SF3A2: variants seen among roughly 807,000 people sequenced by gnomAD.
The protein encoded by SF3A2 is SAP 62.
A neutral mutation model predicts 31.1 loss-of-function variants in SF3A2; 5 were observed. The ratio of observed to expected loss-of-function variants is 0.16; its 90% CI spans 0.08 to 0.34. The LOEUF (loss-of-function observed/expected upper bound fraction) is 0.34. SF3A2 is among the 10% of genes least tolerant of loss of function. The pLI is 1.00. For synonymous variants in SF3A2, 365 were observed against 263.7 expected, an observed-to-expected ratio of 1.38 and a Z score of -3.72; for missense variants, 577 against 643.9, an observed-to-expected ratio of 0.90 and a Z score of 1.13.
rs757861147 is a variant in SF3A2 at position 2,247,971 on chromosome 19, C to T, written c.820C>T (p.Pro274Ser). 12 of 1,068,996 alleles carry T rather than the reference C, an allele frequency of 1.1e-5. No homozygotes were observed. The highest frequency in any genetic ancestry group is 1.7e-5 in the Non-Finnish European group (12 of 718,906). 66.2% of individuals were successfully genotyped at this position (1,068,996 alleles called of 1,614,324 possible). A position where few individuals can be genotyped will look rare whatever the true frequency, so the allele number is the denominator to read the frequency against. Residue 274 changes from proline (P) to serine (S), a missense_variant, in exon 9 of 9, where the codon CCC becomes TCC. Pro to Ser is a moderately conservative substitution (Grantham distance 74). This residue lies in a region of SF3A2 where 462 missense variants were observed against 339.1 expected (regional missense o/e 1.36). Transcript: ENST00000221494. Reference protein sequence around the residue: ...MPPTGPAPSGPPGPPQLPPPA... With the variant: ...MPPTGPAPSGSPGPPQLPPPA... ...CCCCACAGGGCCTGCGCCCTCAGGGCCCCCGGGACCACCCCAGCTACCCCC... is the reference window on the plus strand; with the variant it reads ...CCCCACAGGGCCTGCGCCCTCAGGGTCCCCGGGACCACCCCAGCTACCCCC...
Position 2,247,789 on chromosome 19 carries a change from A to AGGG in SF3A2, c.639_640insGGG (p.Lys213_Met214insGly). ...TAGTTCTTCCTCCAGTTCCACTTTA[A>AGGG]GATGGAGAAGCCCCCGGCTCCACCC... On this transcript the variant is annotated inframe_insertion, in exon 9 of 9. Coordinates refer to ENST00000221494, the MANE Select transcript of SF3A2 (RefSeq NM_007165.5). 6.2e-7 allele frequency: 1 copy of AGGG among 1,611,372 alleles called. No homozygotes were observed.
chr19:2,243,327 AG>A, intron 1 of SF3A2, 54 bp from the exon 2 acceptor site: 1 of 1,398,870 alleles, frequency 7.1e-7, no homozygotes. Context: ...GGGAGGTCCC[AG>A]CAGCAGCCCC....
intron 1 of SF3A2, among the ~76,000 whole-genome samples, chr19:2,238,636 C>T (rs935659878): frequency 1.3e-5 from 2 of 152,222 alleles, no homozygotes; most frequent in Non-Finnish European, 2.9e-5. Context: ...ATTCTATCTT[C>T]CCTTAAAGCT....
At position 2,248,369 on chromosome 19, in the gene SF3A2, G is replaced by A; in HGVS notation, c.1218G>A (p.Gly406=). 3 of 1,379,886 alleles carry A rather than the reference G, an allele frequency of 2.2e-6. No homozygotes were observed. Among genetic ancestry groups the A allele is most frequent in the Non-Finnish European group, 2.8e-6 (3 of 1,071,550 alleles). 85.5% of individuals were successfully genotyped at this position (1,379,886 alleles called of 1,614,324 possible). A position where few individuals can be genotyped will look rare whatever the true frequency, so the allele number is the denominator to read the frequency against. Residue 406 remains glycine (G), a synonymous_variant, in exon 9 of 9, where the codon GGG becomes GGA. Transcript: ENST00000221494. ...PAPGMHPQAP[G]VHPQPPGVHP... is the part of the protein sequence containing the mutation. ...CAGGGATGCACCCTCAGGCCCCGGGGGTCCACCCCCAACCTCCCGGGGTCC... is the reference window on the plus strand; with the variant it reads ...CAGGGATGCACCCTCAGGCCCCGGGAGTCCACCCCCAACCTCCCGGGGTCC...
chr19:2,246,579 C>A lies in SF3A2; in HGVS notation c.356-174C>A, dbSNP rs566887277. On this transcript the variant is annotated intron_variant, in intron 5 of 8. Coordinates refer to ENST00000221494, the MANE Select transcript of SF3A2 (RefSeq NM_007165.5). The surrounding 1 kb of genome is among the most constrained non-coding windows in gnomAD (Gnocchi z 5.5). ...GTAGCTCAGCTCTGGCGCACCTGTG[C>A]CTTCACCTATACCAGAATCCCAGAG... 1.1e-4 allele frequency among the ~76,000 whole-genome samples: 16 copies of A among 152,280 alleles called. No individual in the cohort carries two copies. The highest frequency in any genetic ancestry group is 9.8e-4 in the Admixed American group (15 of 15,304).
chr19:2,238,210 G>A (rs1473260913), intron 1 of SF3A2, among the ~76,000 whole-genome samples: 3 of 152,176 alleles, frequency 2.0e-5, no homozygotes, highest in Non-Finnish European at 4.4e-5. Flanking sequence ...TTTTTGTAGA[G>A]ACGAGGTTTC....
In SF3A2 at chr19:2,248,363, C is replaced by T; in HGVS notation, c.1212C>T (p.Ala404=). The T allele has an allele frequency of 1.4e-6, 2 of 1,379,450 alleles. No homozygotes were observed. The highest frequency in any genetic ancestry group is 1.7e-5 in the South Asian group (1 of 57,480). 85.5% of individuals were successfully genotyped at this position (1,379,450 alleles called of 1,614,324 possible). Residue 404 remains alanine (A), a synonymous_variant, in exon 9 of 9, where the codon GCC becomes GCT. Transcript: ENST00000221494. ...HPPAPGMHPQ[A]PGVHPQPPGV... is the part of the protein sequence containing the mutation. ...CAGCCCCAGGGATGCACCCTCAGGC[C>T]CCGGGGGTCCACCCCCAACCTCCCG...
chr19:2,245,046 C>T lies in SF3A2; in HGVS notation c.245+267C>T. On this transcript the variant is annotated intron_variant, in intron 4 of 8. Transcript: ENST00000221494. The surrounding 1 kb of genome is among the most constrained non-coding windows in gnomAD (Gnocchi z 4.2). ...CTAAAAATACAAAAATTAGGCCAGG[C>T]ATGGTGGCACACGTCTGTAATCACA... 1.8e-6 allele frequency: 1 copy of T among 552,424 alleles called. No individual in the cohort carries two copies. Among genetic ancestry groups the T allele is most frequent in the Non-Finnish European group, 3.2e-6 (1 of 308,526 alleles). The allele number at this position is 552,424 out of a possible 1,614,324, so 34.2% of individuals were successfully genotyped here. A position where few individuals can be genotyped will look rare whatever the true frequency, so the allele number is the denominator to read the frequency against.
chr19:2,243,533 G>A lies in SF3A2; in HGVS notation c.115G>A (p.Asp39Asn). Residue 39 changes from aspartate (D) to asparagine (N), a missense_variant, in exon 2 of 9, where the codon GAC becomes AAC. Physicochemically the swap from Asp to Asn is conservative, Grantham distance 23. Transcript: ENST00000221494. ...CCGGCAGCTGGCCCTGGAGACCATC[G>A]ACATCAACAAGGTGGGCCAGCCACC... ...RLRQLALETIDINKDPYFMKN... is the reference protein window; with the variant it reads ...RLRQLALETININKDPYFMKN... 1.3e-6 allele frequency: 2 copies of A among 1,550,816 alleles called. No individual in the cohort carries two copies. Among genetic ancestry groups the A allele is most frequent in the Non-Finnish European group, 1.7e-6 (2 of 1,156,066 alleles).
chr19:2,237,644 G>A (rs1355670865), intron 1 of SF3A2: 2 of 152,202 alleles, frequency 1.3e-5, no homozygotes, highest in African/African-American at 4.8e-5. Flanking sequence ...GGCTGAAATG[G>A]TTTCGGCCGC....
rs1273574201 is a variant in SF3A2, at chr19:2,245,073, C to T, written c.245+294C>T. On this transcript the variant is annotated intron_variant, in intron 4 of 8. Transcript: ENST00000221494. The surrounding 1 kb of genome is among the most constrained non-coding windows in gnomAD (Gnocchi z 4.2). ...TGGTGGCACACGTCTGTAATCACAG[C>T]TACTATGGAGGCTGAGGCAGGAGAA... 5.7e-6 allele frequency: 3 copies of T among 528,598 alleles called. No homozygotes were observed. In the African/African-American group the frequency reaches 5.7e-5, roughly 10 times the overall value. 32.7% of individuals were successfully genotyped at this position (528,598 alleles called of 1,614,324 possible). A position where few individuals can be genotyped will look rare whatever the true frequency, so the allele number is the denominator to read the frequency against.
chr19:2,244,680 G>T, intron 3 of SF3A2, 53 bp from the exon 4 acceptor site: 1 of 1,611,854 alleles, frequency 6.2e-7, no homozygotes, highest in Non-Finnish European at 8.5e-7. Context: ...AGGGGGACCT[G>T]CCTGTGTCTG....
chr19:2,244,083 C>T (rs1054673586), intron 2 of SF3A2, among the ~76,000 whole-genome samples: 2 of 152,242 alleles, frequency 1.3e-5, no homozygotes, highest in African/African-American at 2.4e-5. Flanking sequence ...GAGATGTGTG[C>T]GCCCGGCTGC....
intron 1 of SF3A2, 42 bp downstream of exon 1, chr19:2,236,943 C>T (rs2024827205): frequency 6.6e-6 from 1 of 152,118 alleles, no homozygotes; most frequent in African/African-American, 2.4e-5. Flanking sequence ...CGACGCGGAC[C>T]GGGGGTTCCC....
At chr19:2,237,620 C>T (rs1355880938) in intron 1 of SF3A2, 1 of 152,100 alleles carries the variant, frequency 6.6e-6, no homozygotes, top group Non-Finnish European at 1.5e-5. Context: ...TCGTTGGGGT[C>T]GAATCGGGAT....
chr19:2,247,940 C>A lies in SF3A2; in HGVS notation c.789C>A (p.Pro263=). The A allele has an allele frequency of 2.7e-6, 4 of 1,495,880 alleles. No individual in the cohort carries two copies. The highest frequency in any genetic ancestry group is 3.7e-6 in the Non-Finnish European group (4 of 1,094,142). 92.7% of individuals were successfully genotyped at this position (1,495,880 alleles called of 1,614,324 possible). Residue 263 remains proline (P), a synonymous_variant, in exon 9 of 9, where the codon CCC becomes CCA. Coordinates refer to ENST00000221494, the MANE Select transcript of SF3A2 (RefSeq NM_007165.5). ...CGCCAGGAGGCCTGCCTCTGCCACCCATGCCCCCCACAGGGCCTGCGCCCT... is the reference window on the plus strand; with the variant it reads ...CGCCAGGAGGCCTGCCTCTGCCACCAATGCCCCCCACAGGGCCTGCGCCCT... The part of the protein sequence containing the change: ...PPPPGGLPLP[P]MPPTGPAPSG...
At chr19:2,240,773 T>C (rs2024882335) in intron 1 of SF3A2, among the ~76,000 whole-genome samples, 1 of 152,232 alleles carries the variant, frequency 6.6e-6, no homozygotes, top group Non-Finnish European at 1.5e-5. Context: ...TAGAACGTTC[T>C]GGAAATGTCA....
Position 2,245,381 on chromosome 19 carries a change from C to T in SF3A2, c.246-65C>T. 7.9e-7 allele frequency: 1 copy of T among 1,261,342 alleles called. No homozygotes were observed. The highest frequency in any genetic ancestry group is 1.1e-6 in the Non-Finnish European group (1 of 889,860). The allele number at this position is 1,261,342 out of a possible 1,614,324, so 78.1% of individuals were successfully genotyped here. ...TCCAAGGTCAGGGGGCTCCTGGCAC[C>T]TGGGCCCATGGCTTTGGTGCCTGTG... On this transcript the variant is annotated intron_variant, in intron 4 of 8. Coordinates refer to ENST00000221494, the MANE Select transcript of SF3A2 (RefSeq NM_007165.5). This position sits in a 1 kb window ranked among gnomAD's most constrained non-coding sequence, Gnocchi z 4.2.
intron 1 of SF3A2, among the ~76,000 whole-genome samples, chr19:2,238,399 C>G (rs935648430): frequency 6.6e-6 from 1 of 152,156 alleles, no homozygotes; most frequent in African/African-American, 2.4e-5. Flanking sequence ...TAGTAAGTAA[C>G]AGATTTCTTC....
Sources: allele counts gnomAD v4.1 joint callset (sites outside exome capture counted in the v4.1 genomes callset), GRCh38; gene constraint gnomAD v4.1.1; regional missense constraint gnomAD v4.1.1; non-coding constraint Gnocchi (gnomAD v3.1); transcripts MANE v1.5; gene names NCBI Gene and HGNC (gene_info 2026-07-23, HGNC 2026-07-21).